The following DGKI variants were observed in gnomAD, a reference collection of about 807,000 sequenced individuals.
DGKI encodes the protein DAG kinase iota.
Under a neutral mutation model 147.5 loss-of-function variants are expected in DGKI, and 55 were observed. The observed-to-expected ratio is 0.37, with a 90% CI of 0.30 to 0.47. The LOEUF (loss-of-function observed/expected upper bound fraction) is 0.47. Among genes scored for constraint, DGKI ranks in the 20% least tolerant of loss-of-function variants. The pLI is 1.00. For missense variants in DGKI, 1,007 were observed against 1,323.8 expected (o/e 0.76, Z 3.71); for synonymous variants, 469 against 477.1 (o/e 0.98, Z 0.22).
chr7:137,425,931 T>C (rs1328980460), intron 28 of DGKI, among the ~76,000 whole-genome samples: 3 of 152,112 alleles, frequency 2.0e-5, no homozygotes, highest in Non-Finnish European at 4.4e-5. Flanking sequence ...GATTGGTGTA[T>C]CTGAAAGTGA....
chr7:137,846,759 C>A lies in DGKI; in HGVS notation c.104G>T (p.Gly35Val). The A allele has an allele frequency of 9.7e-7, 1 of 1,027,996 alleles. No individual in the cohort carries two copies. Among genetic ancestry groups the A allele is most frequent in the Non-Finnish European group, 1.2e-6 (1 of 860,018 alleles). 63.7% of individuals were successfully genotyped at this position (1,027,996 alleles called of 1,614,324 possible). A position where few individuals can be genotyped will look rare whatever the true frequency, so the allele number is the denominator to read the frequency against. ...AAAAAAASPPGPCSGAACAPS... is the reference protein window; with the variant it reads ...AAAAAAASPPVPCSGAACAPS... ...AGCGCAGGCGGCGCCGCTGCAGGGG[C>A]CGGGCGGGCTGGCGGCGGCGGCGGC... Residue 35 changes from glycine (G) to valine (V), a missense_variant, in exon 1 of 33, where the codon GGC becomes GTC. Around this residue, in one of 5 missense-constraint regions of DGKI, gnomAD observed 137 missense variants for 114.4 expected, o/e 1.20. Coordinates refer to ENST00000614521, the MANE Select transcript of DGKI (RefSeq NM_001321708.2). This position sits in a 1 kb window ranked among gnomAD's most constrained non-coding sequence, Gnocchi z 4.0.
At chr7:137,618,476 C>G (rs965975320) in intron 8 of DGKI, among the ~76,000 whole-genome samples, 1 of 150,136 alleles carries the variant, frequency 6.7e-6, no homozygotes, top group African/African-American at 2.5e-5. Context: ...GCCCTCCCCC[C>G]CACTTCATAA....
At chr7:137,724,672 C>A (rs958464415) in intron 1 of DGKI, among the ~76,000 whole-genome samples, 27 of 152,190 alleles carry the variant, frequency 1.8e-4, no homozygotes, top group Admixed American at 1.1e-3. Flanking sequence ...GACAGAGGAC[C>A]AAGTGTTTGG....
At chr7:137,505,534 T>A (rs77775650) in intron 21 of DGKI, among the ~76,000 whole-genome samples, 1 of 152,112 alleles carries the variant, frequency 6.6e-6, no homozygotes, top group African/African-American at 2.4e-5. Context: ...ATTAGAATAT[T>A]CACTTCTTTT....
At position 137,443,562 on chromosome 7, in the gene DGKI, T is replaced by C. The variant is rs530507657; in HGVS notation, c.2761+515A>G. 3.3e-5 allele frequency among the ~76,000 whole-genome samples: 5 copies of C among 152,322 alleles called. No homozygotes were observed. The East Asian group carries it at 5.8e-4, about 18-fold the overall frequency. On this transcript the variant is annotated intron_variant, in intron 28 of 32. Coordinates refer to ENST00000614521, the MANE Select transcript of DGKI (RefSeq NM_001321708.2). The stretch of plus-strand genomic sequence containing the variant: ...TTTTCTCTTTTGAGTGAATTAGCTG[T>C]CTCTTAAAATGCAAACAATTCATCT...
At chr7:137,785,583 C>T (rs1013692799) in intron 1 of DGKI, among the ~76,000 whole-genome samples, 1 of 151,882 alleles carries the variant, frequency 6.6e-6, no homozygotes, top group Non-Finnish European at 1.5e-5. Flanking sequence ...GACACTATTC[C>T]GCAAGATAGA....
intron 6 of DGKI, among the ~76,000 whole-genome samples, chr7:137,631,024 A>C (rs1369176004): frequency 6.6e-6 from 1 of 152,182 alleles, no homozygotes; most frequent in Non-Finnish European, 1.5e-5. Context: ...TAGTTTAAAT[A>C]TTTTTGAAAG....
chr7:137,600,658 T>C (rs1338052126), intron 10 of DGKI, among the ~76,000 whole-genome samples: 2 of 152,214 alleles, frequency 1.3e-5, no homozygotes, highest in Non-Finnish European at 2.9e-5. Flanking sequence ...GTACAGATTA[T>C]TGTCTGTATA....
intron 1 of DGKI, among the ~76,000 whole-genome samples, chr7:137,823,061 CA>C (rs113953441): frequency 0.038 from 5,111 of 133,222 alleles, 90 homozygotes; most frequent in Non-Finnish European, 0.046. Flanking sequence ...TCCCCCAACC[CA>C]AAAAAAAAAA....
chr7:137,499,053 G>A (rs916333711), intron 21 of DGKI, among the ~76,000 whole-genome samples: 3 of 152,090 alleles, frequency 2.0e-5, no homozygotes, highest in African/African-American at 7.2e-5. Flanking sequence ...AGCTTTCTTG[G>A]GAAACTTAAG....
chr7:137,400,442 T>G (rs1562995386), intron 30 of DGKI, among the ~76,000 whole-genome samples: 2 of 152,174 alleles, frequency 1.3e-5, no homozygotes, highest in Admixed American at 1.3e-4. Context: ...CCACGGTGAG[T>G]CCACAGTTAT....
rs1246674768 is a variant in DGKI at position 137,846,535 on chromosome 7, C to T, written c.328G>A (p.Gly110Ser). The change falls in exon 1 of 33, where the codon GGC (glycine) becomes AGC (serine). Residue 110 changes from glycine to serine, a missense_variant. Transcript: ENST00000614521. This position sits in a 1 kb window ranked among gnomAD's most constrained non-coding sequence, Gnocchi z 4.0. ...AGCGCTTCGTCCTTCTCCTTCTGGC[C>T]GGCGGCCGCGGGCTCGTCCAGGGCA... is the stretch of plus-strand genomic sequence containing the variant. ...AAALDEPAAA[G>S]QKEKDEALEE... The T allele has an allele frequency of 1.9e-6, 3 of 1,554,798 alleles. No homozygotes were observed.
intron 3 of DGKI, among the ~76,000 whole-genome samples, chr7:137,677,319 C>A (rs1823069155): frequency 6.6e-6 from 1 of 152,008 alleles, no homozygotes; most frequent in Non-Finnish European, 1.5e-5. Flanking sequence ...AGCCAAGGCC[C>A]AAAGGTCACG....
intron 1 of DGKI, among the ~76,000 whole-genome samples, chr7:137,700,478 C>T (rs1823940517): frequency 6.6e-6 from 1 of 152,190 alleles, no homozygotes; most frequent in South Asian, 2.1e-4. Context: ...TCAATCTCTT[C>T]TCACATTTCT....
chr7:137,512,736 T>C (rs1816619949), intron 21 of DGKI, among the ~76,000 whole-genome samples: 2 of 152,344 alleles, frequency 1.3e-5, no homozygotes, highest in Middle Eastern at 3.4e-3. Context: ...GTTCTTTGTC[T>C]GAAATCTAAC....
chr7:137,691,565 A>C (rs1343146522), intron 1 of DGKI, among the ~76,000 whole-genome samples: 1 of 152,212 alleles, frequency 6.6e-6, no homozygotes, highest in Non-Finnish European at 1.5e-5. Context: ...GGGAAGGAAT[A>C]GGAACAGAAT....
At chr7:137,684,345 G>T (rs2081602705) in intron 2 of DGKI, among the ~76,000 whole-genome samples, 1 of 152,190 alleles carries the variant, frequency 6.6e-6, no homozygotes, top group African/African-American at 2.4e-5. Flanking sequence ...TTGATTACAT[G>T]TTGAAATAAT....
chr7:137,459,137 T>C (rs1814319506), intron 27 of DGKI, among the ~76,000 whole-genome samples: 1 of 152,194 alleles, frequency 6.6e-6, no homozygotes. Flanking sequence ...TTAAAATAAA[T>C]GCAACCAATT....
intron 1 of DGKI, among the ~76,000 whole-genome samples, chr7:137,828,259 A>G (rs1345056086): frequency 2.6e-5 from 4 of 152,214 alleles, no homozygotes; most frequent in African/African-American, 9.7e-5. Flanking sequence ...TTAAGGTAAA[A>G]ATCATTTATT....
Sources: gnomAD v4.1 joint callset for allele counts (sites outside exome capture counted in the v4.1 genomes callset) on GRCh38, gnomAD v4.1.1 for gene constraint, gnomAD v4.1.1 regional missense constraint, Gnocchi (gnomAD v3.1) non-coding constraint, MANE v1.5 for transcripts, NCBI Gene and HGNC (gene_info 2026-07-23, HGNC 2026-07-21) for gene names.